ZC3H12B: variants seen among roughly 807,000 people sequenced by gnomAD.
ZC3H12B encodes zinc finger CCCH-type containing 12B, also known as probable ribonuclease ZC3H12B.
ZC3H12B carries 7 observed loss-of-function variants against 43.9 expected under a neutral mutation model. That is an observed-to-expected ratio of 0.16 (90% confidence interval 0.09 to 0.30). ZC3H12B has a LOEUF of 0.30. Ranked by LOEUF, ZC3H12B falls within the 10% of genes least tolerant of loss-of-function variation. The pLI, the probability that ZC3H12B is intolerant of heterozygous loss-of-function variation, is 1.00. For missense variants in ZC3H12B, 475 were observed against 670.2 expected (o/e 0.71, Z 3.22); for synonymous variants, 222 against 241.7 (o/e 0.92, Z 0.76).
chrX:65,407,662 C>T (rs748107758), intron 3 of ZC3H12B, among the ~76,000 whole-genome samples: 1 of 113,581 alleles, frequency 8.8e-6, no homozygotes, highest in Admixed American at 9.1e-5. Flanking sequence ...AAAAGCAGCC[C>T]GTCTGGATTT....
intron 3 of ZC3H12B, among the ~76,000 whole-genome samples, chrX:65,444,915 CT>C (rs766331133): frequency 8.9e-6 from 1 of 111,890 alleles, no homozygotes; most frequent in Admixed American, 9.5e-5. Context: ...TTTATCTCCC[CT>C]GACTGTGTAT....
the ZC3H12B span, among the ~76,000 whole-genome samples, chrX:65,061,740 A>G: frequency 8.9e-6 from 1 of 112,493 alleles, no homozygotes; most frequent in Non-Finnish European, 1.9e-5. Context: ...AGGAATCACC[A>G]CACTATCTTC....
intron 1 of ZC3H12B, among the ~76,000 whole-genome samples, chrX:65,367,125 G>A (rs1472486957): frequency 1.8e-5 from 2 of 111,837 alleles, no homozygotes; most frequent in African/African-American, 6.5e-5. Context: ...TGACTGTGGA[G>A]GCAACTTGTG....
exon 5 of ZC3H12B, chrX:65,502,781 G>A: frequency 1.7e-6 from 2 of 1,209,269 alleles, no homozygotes; most frequent in African/African-American, 1.7e-5. Flanking sequence ...GCCAGGCCGT[G>A]CCCTGGTGAT....
At chrX:65,114,536 A>G in the ZC3H12B span, among the ~76,000 whole-genome samples, 6 of 110,788 alleles carry the variant, frequency 5.4e-5, no homozygotes, top group African/African-American at 2.0e-4. Context: ...AGAGCTCATC[A>G]TAGTATTACC....
chrX:65,045,695 A>G, the ZC3H12B span, among the ~76,000 whole-genome samples: 3 of 112,215 alleles, frequency 2.7e-5, no homozygotes, highest in Admixed American at 1.9e-4. Context: ...AACTCCTTCC[A>G]TGAAGCAAAA....
Position 65,443,090 on chromosome X carries a change from T to C in ZC3H12B, n.407+44386T>C, listed in dbSNP as rs145601451. Among the ~76,000 whole-genome samples, 18 of 111,658 alleles carry C rather than the reference T, an allele frequency of 1.6e-4. No individual in the cohort carries two copies. The East Asian group carries it at 4.8e-3, about 30-fold the overall frequency. On this transcript the variant is annotated intron_variant and non_coding_transcript_variant, in intron 3 of 5. Coordinates refer to the ZC3H12B transcript ENST00000617377. ...TTTAGCTTTAGCTGGCAAATAAACA[T>C]GCTCTGTAACCTCTTCTGTTACTTC...
the ZC3H12B span, among the ~76,000 whole-genome samples, chrX:65,269,290 A>G: frequency 9.1e-6 from 1 of 109,437 alleles, no homozygotes; most frequent in Non-Finnish European, 1.9e-5. Context: ...GGTTGCAGTG[A>G]ACGAAGATTG....
chrX:65,401,341 C>G (rs187086662), intron 3 of ZC3H12B, among the ~76,000 whole-genome samples: 88 of 111,506 alleles, frequency 7.9e-4, no homozygotes, highest in East Asian at 6.2e-3. Flanking sequence ...GAAAACCAGA[C>G]CAAACTTACC....
At chrX:65,389,886 A>T (rs1444207520) in intron 2 of ZC3H12B, among the ~76,000 whole-genome samples, 6 of 112,094 alleles carry the variant, frequency 5.4e-5, no homozygotes, top group Admixed American at 9.4e-5. Flanking sequence ...ATAGCATTTG[A>T]CCCAGCCATC....
At chrX:65,382,366 A>T (rs1375695582) in intron 2 of ZC3H12B, among the ~76,000 whole-genome samples, 1 of 110,818 alleles carries the variant, frequency 9.0e-6, no homozygotes, top group East Asian at 2.8e-4. Flanking sequence ...TGATTATCTC[A>T]ATAGATGCAG....
At chrX:65,212,446 T>C in the ZC3H12B span, among the ~76,000 whole-genome samples, 1 of 60,054 alleles carries the variant, frequency 1.7e-5, no homozygotes, top group African/African-American at 9.2e-5. Flanking sequence ...TATTATATTA[T>C]ATATTATATA....
the ZC3H12B span, among the ~76,000 whole-genome samples, chrX:65,320,401 A>C: frequency 1.8e-5 from 2 of 112,170 alleles, no homozygotes. Context: ...CAGAGATGAC[A>C]CAAATAAATG....
At chrX:65,131,789 G>A in the ZC3H12B span, among the ~76,000 whole-genome samples, 212 of 111,595 alleles carry the variant, frequency 1.9e-3, 2 homozygotes, top group African/African-American at 6.6e-3. Context: ...TTATGTGAAG[G>A]TAGGTAACGG....
the ZC3H12B span, among the ~76,000 whole-genome samples, chrX:65,126,833 A>T: frequency 9.3e-6 from 1 of 107,768 alleles, no homozygotes; most frequent in African/African-American, 3.4e-5. Context: ...TGTGTCCTTG[A>T]TTTCCAGAAA....
the ZC3H12B span, among the ~76,000 whole-genome samples, chrX:65,169,978 T>C: frequency 8.9e-6 from 1 of 112,163 alleles, no homozygotes; most frequent in African/African-American, 3.2e-5. Context: ...GGGTCTTGAC[T>C]CTTTATCCAA....
chrX:65,424,232 T>G (rs1170675952), intron 3 of ZC3H12B, among the ~76,000 whole-genome samples: 1 of 112,362 alleles, frequency 8.9e-6, no homozygotes, highest in African/African-American at 3.2e-5. Flanking sequence ...ATTGAGGTAT[T>G]TTTTAAATGT....
intron 3 of ZC3H12B, among the ~76,000 whole-genome samples, chrX:65,448,780 T>A (rs1020035905): frequency 9.7e-6 from 1 of 103,111 alleles, no homozygotes; most frequent in Non-Finnish European, 2.0e-5. Context: ...TTCACACCAC[T>A]GCACTCCAGC....
At chrX:65,382,885 C>A (rs1486754817) in intron 2 of ZC3H12B, among the ~76,000 whole-genome samples, 3 of 110,834 alleles carry the variant, frequency 2.7e-5, no homozygotes, top group East Asian at 5.6e-4. Context: ...ACCTAGGAAT[C>A]CAACTTACAA....
Sources: allele counts gnomAD v4.1 joint callset (sites outside exome capture counted in the v4.1 genomes callset), GRCh38; gene constraint gnomAD v4.1.1; transcripts MANE v1.5; gene names NCBI Gene and HGNC (gene_info 2026-07-23, HGNC 2026-07-21).